CEP95: variants seen among roughly 807,000 people sequenced by gnomAD.
CEP95 encodes the protein centrosomal protein of 95 kDa.
In CEP95, 98 loss-of-function variants were observed where a neutral mutation model predicts 111.2. The ratio of observed to expected loss-of-function variants is 0.88; its 90% CI spans 0.75 to 1.04. The LOEUF is 1.04. Ranked by LOEUF, CEP95 falls within the 50% of genes least tolerant of loss-of-function variation. The pLI, the probability that CEP95 is intolerant of heterozygous loss-of-function variation, is 0.00. For synonymous variants in CEP95, 323 were observed against 327.1 expected (o/e 0.99, Z 0.14); for missense variants, 1,027 against 977.2 (o/e 1.05, Z -0.68).
rs1967326123 is a variant in CEP95 at position 64,521,388 on chromosome 17, ATT to A, written c.590-11_590-10del. ...GATAGTTAAAAATTTTACCTTTAAT[ATT>A]TTCTTTCCTAGGTGCTCAATGTCCT... On this transcript the variant is annotated splice_polypyrimidine_tract_variant and intron_variant, in intron 6 of 19. Coordinates refer to ENST00000556440, the MANE Select transcript of CEP95 (RefSeq NM_138363.3). 1.3e-6 allele frequency: 2 copies of A among 1,594,922 alleles called. No individual in the cohort carries two copies. Among genetic ancestry groups the A allele is most frequent in the African/African-American group, 2.7e-5 (2 of 74,132 alleles).
At position 64,536,477 on chromosome 17, in the gene CEP95, T is replaced by A. The variant is rs1402285538; in HGVS notation, c.2071-125T>A. ...AAAAGGAGGTACATTTTATGGTATG[T>A]CAAAACATCTGAATAAAACTAGTAT... On this transcript the variant is annotated intron_variant, in intron 17 of 19. Coordinates refer to ENST00000556440, the MANE Select transcript of CEP95 (RefSeq NM_138363.3). 2.4e-5 allele frequency: 15 copies of A among 629,796 alleles called. No homozygotes were observed. In the African/African-American group the frequency reaches 2.7e-4, roughly 11 times the overall value. 39.0% of individuals were successfully genotyped at this position (629,796 alleles called of 1,614,324 possible).
chr17:64,532,145 TC>T (rs1157041474), intron 14 of CEP95, 123 bp downstream of exon 14: 13 of 1,373,190 alleles, frequency 9.5e-6, no homozygotes, highest in Non-Finnish European at 1.1e-5. Context: ...TTTTTTTTTT[TC>T]CCAATCACTG....
intron 6 of CEP95, among the ~76,000 whole-genome samples, chr17:64,520,779 G>C (rs578174943): frequency 1.4e-4 from 22 of 152,128 alleles, no homozygotes; most frequent in African/African-American, 5.3e-4. Context: ...CCCTAACTCT[G>C]GTGTCTATTC....
At chr17:64,512,889 A>G (rs2038967054) in intron 3 of CEP95, among the ~76,000 whole-genome samples, 2 of 152,196 alleles carry the variant, frequency 1.3e-5, no homozygotes, top group Non-Finnish European at 2.9e-5. Flanking sequence ...ATACTATAGC[A>G]GGGTTATAAA....
intron 11 of CEP95, among the ~76,000 whole-genome samples, chr17:64,527,868 GTGTATATA>G (rs1272197612): frequency 8.3e-6 from 1 of 120,698 alleles, no homozygotes; most frequent in East Asian, 2.3e-4. Flanking sequence ...GTGTGTGTGT[GTGTATATA>G]TATATATATA....
chr17:64,521,748 C>T (rs1174695947), intron 7 of CEP95, among the ~76,000 whole-genome samples: 1 of 151,922 alleles, frequency 6.6e-6, no homozygotes, highest in African/African-American at 2.4e-5. Context: ...TCTAAATTCT[C>T]ACCACTTACC....
intron 5 of CEP95, among the ~76,000 whole-genome samples, chr17:64,518,490 TCA>T (rs1555676935): frequency 6.6e-6 from 1 of 152,236 alleles, no homozygotes; most frequent in African/African-American, 2.4e-5. Flanking sequence ...TTGATCATTT[TCA>T]CAGTTTTTAA....
intron 8 of CEP95, 33 bp downstream of exon 8, chr17:64,522,928 A>G: frequency 6.6e-7 from 1 of 1,520,286 alleles, no homozygotes; most frequent in East Asian, 2.3e-5. Context: ...AGTTGGCTAG[A>G]AGTACACTTG....
At chr17:64,519,284 C>A in intron 5 of CEP95, 37 bp from the exon 6 acceptor site, 1 of 1,446,028 alleles carries the variant, frequency 6.9e-7, no homozygotes, top group South Asian at 1.1e-5. Context: ...GCCCTCTGGT[C>A]AGGCTGGGCC....
At chr17:64,514,412 T>TTTG in intron 4 of CEP95, 54 bp downstream of exon 4, 1 of 776,758 alleles carries the variant, frequency 1.3e-6, no homozygotes, top group South Asian at 1.5e-5. Context: ...TGTGTCCCTT[T>TTTG]TGCCTTTTAT....
chr17:64,509,292 A>G (rs2038762803), intron 2 of CEP95, among the ~76,000 whole-genome samples: 1 of 152,226 alleles, frequency 6.6e-6, no homozygotes, highest in Admixed American at 6.5e-5. Context: ...TCTACCTCCC[A>G]AAGTGATAGG....
chr17:64,532,772 A>G (rs952416424), intron 14 of CEP95, 67 bp from the exon 15 acceptor site: 7 of 1,541,140 alleles, frequency 4.5e-6, no homozygotes, highest in Middle Eastern at 1.8e-4. Flanking sequence ...GCTTTGATCT[A>G]CCAGGGATGT....
intron 13 of CEP95, 36 bp downstream of exon 13, chr17:64,531,054 G>A: frequency 8.3e-7 from 1 of 1,210,728 alleles, no homozygotes; most frequent in Non-Finnish European, 1.2e-6. Context: ...AATGCCATTT[G>A]ATCAGATGAG....
At chr17:64,513,867 T>C (rs2039011028) in intron 3 of CEP95, among the ~76,000 whole-genome samples, 1 of 152,178 alleles carries the variant, frequency 6.6e-6, no homozygotes, top group South Asian at 2.1e-4. Flanking sequence ...CTCCTGCCAC[T>C]TTTTCCCACC....
At position 64,516,846 on chromosome 17, in the gene CEP95, T is replaced by C; in HGVS notation, c.473+18T>C. On this transcript the variant is annotated intron_variant, in intron 5 of 19. Coordinates refer to ENST00000556440, the MANE Select transcript of CEP95 (RefSeq NM_138363.3). Reference sequence around the variant, plus strand: ...TTTGGGAGGTAGCACTTAGTGTCTCTGAATTTGATGAAAACAAGTTACGCT... The same window carrying C: ...TTTGGGAGGTAGCACTTAGTGTCTCCGAATTTGATGAAAACAAGTTACGCT... 7.2e-7 allele frequency: 1 copy of C among 1,385,220 alleles called. No homozygotes were observed. The highest frequency in any genetic ancestry group is 1.0e-6 in the Non-Finnish European group (1 of 977,086). 85.8% of individuals were successfully genotyped at this position (1,385,220 alleles called of 1,614,324 possible). A position where few individuals can be genotyped will look rare whatever the true frequency, so the allele number is the denominator to read the frequency against.
chr17:64,521,610 A>T, intron 7 of CEP95, 83 bp downstream of exon 7: 1 of 1,273,642 alleles, frequency 7.9e-7, no homozygotes, highest in Non-Finnish European at 1.1e-6. Context: ...TTTTACTTTT[A>T]TTGCTGTATA....
rs782756271 is a variant in CEP95 at position 64,530,924 on chromosome 17, A to C, written c.1447-2A>C. ...TGTAATATATGACCTTTTCCCCTTTAGGCGTTTACTGAAGCATTTGAAAGG... is the reference window on the plus strand; with the variant it reads ...TGTAATATATGACCTTTTCCCCTTTCGGCGTTTACTGAAGCATTTGAAAGG... On this transcript the variant is annotated splice_acceptor_variant, in intron 12 of 19. Coordinates refer to ENST00000556440, the MANE Select transcript of CEP95 (RefSeq NM_138363.3). LOFTEE classifies it high-confidence loss of function. 6.5e-7 allele frequency: 1 copy of C among 1,529,634 alleles called. No individual in the cohort carries two copies. 94.8% of individuals were successfully genotyped at this position (1,529,634 alleles called of 1,614,324 possible). A position where few individuals can be genotyped will look rare whatever the true frequency, so the allele number is the denominator to read the frequency against.
chr17:64,537,570 T>C, intron 19 of CEP95, 33 bp from the exon 20 acceptor site: 1 of 1,548,286 alleles, frequency 6.5e-7, no homozygotes. Flanking sequence ...ATAAATGCTG[T>C]GAACAGCGGG....
chr17:64,532,480 A>G (rs539542140), intron 14 of CEP95: 9 of 985,202 alleles, frequency 9.1e-6, no homozygotes, highest in Admixed American at 6.2e-5. Context: ...TGGCCCTCCT[A>G]CTCTATCCTT....
Sources: allele counts gnomAD v4.1 joint callset (sites outside exome capture counted in the v4.1 genomes callset), GRCh38; gene constraint gnomAD v4.1.1; transcripts MANE v1.5; gene names NCBI Gene and HGNC (gene_info 2026-07-23, HGNC 2026-07-21).